Variants in DMGDH observed in about 807,000 individuals in gnomAD.
DMGDH encodes dimethylglycine dehydrogenase.
DMGDH carries 76 observed loss-of-function variants against 95.2 expected under a neutral mutation model. The ratio of observed to expected loss-of-function variants is 0.80; its 90% CI spans 0.66 to 0.97. The LOEUF (loss-of-function observed/expected upper bound fraction) is 0.97. Among genes scored for constraint, DMGDH ranks in the 50% least tolerant of loss-of-function variants. DMGDH has a pLI of 0.00. For synonymous variants in DMGDH, 345 were observed against 377.6 expected, an observed-to-expected ratio of 0.91 and a Z score of 1.00; for missense variants, 987 against 1,055.0, an observed-to-expected ratio of 0.94 and a Z score of 0.89.
chr5:79,033,979 T>G (rs1201411582), intron 7 of DMGDH, among the ~76,000 whole-genome samples: 1 of 152,012 alleles, frequency 6.6e-6, no homozygotes, highest in Non-Finnish European at 1.5e-5. Context: ...AAAATAGCTC[T>G]TTATGGGGAA....
intron 14 of DMGDH, chr5:79,020,735 G>C: frequency 1.0e-6 from 1 of 984,026 alleles, no homozygotes; most frequent in Non-Finnish European, 1.2e-6. Context: ...GGAGAGAGGG[G>C]AAGGAGAGAG....
intron 14 of DMGDH, chr5:79,021,231 A>G: frequency 9.9e-7 from 1 of 1,010,686 alleles, no homozygotes. Flanking sequence ...AGAGCCCTCC[A>G]CTTGCGGAAG....
At chr5:79,029,841 C>T (rs1754104522) in intron 11 of DMGDH, 63 bp downstream of exon 11, 2 of 1,547,242 alleles carry the variant, frequency 1.3e-6, no homozygotes, top group South Asian at 2.4e-5. Context: ...AAAAGAAAAA[C>T]TTAATGTAAG....
chr5:79,015,794 T>C (rs1275087567), intron 14 of DMGDH, among the ~76,000 whole-genome samples: 1 of 152,002 alleles, frequency 6.6e-6, no homozygotes, highest in Non-Finnish European at 1.5e-5. Context: ...AGGTGACATA[T>C]CATCACCAAG....
At chr5:79,001,456 C>G (rs1242124728) in intron 15 of DMGDH, among the ~76,000 whole-genome samples, 3 of 152,214 alleles carry the variant, frequency 2.0e-5, no homozygotes, top group South Asian at 2.1e-4. Flanking sequence ...AGCTAGCATG[C>G]CTGGCTTAAT....
intron 14 of DMGDH, among the ~76,000 whole-genome samples, chr5:79,013,453 G>A (rs1212456621): frequency 6.6e-6 from 1 of 152,022 alleles, no homozygotes; most frequent in Admixed American, 6.5e-5. Flanking sequence ...TCATCTTCCT[G>A]TCTTCTTCTG....
intron 2 of DMGDH, among the ~76,000 whole-genome samples, chr5:79,061,683 G>A (rs1464568689): frequency 6.6e-6 from 1 of 152,162 alleles, no homozygotes; most frequent in African/African-American, 2.4e-5. Context: ...GTCTTGGGAG[G>A]TTGAGGCTGG....
chr5:79,020,788 G>A (rs1753844979), intron 14 of DMGDH: 1 of 985,050 alleles, frequency 1.0e-6, no homozygotes, highest in Non-Finnish European at 1.2e-6. Context: ...AGAAAAAGAG[G>A]GAGAAACATA....
chr5:79,047,142 A>G (rs1378367117), intron 5 of DMGDH, among the ~76,000 whole-genome samples: 1 of 152,092 alleles, frequency 6.6e-6, no homozygotes, highest in Non-Finnish European at 1.5e-5. Flanking sequence ...CTGATCACCC[A>G]CCCATTAAGT....
intron 1 of DMGDH, among the ~76,000 whole-genome samples, chr5:79,067,296 G>A (rs1439194769): frequency 2.0e-5 from 3 of 152,158 alleles, no homozygotes; most frequent in East Asian, 3.8e-4. Context: ...ATGTACATAT[G>A]ACCCAACTAC....
Position 78,998,325 on chromosome 5 carries a change from G to A in DMGDH, c.2386-28C>T, listed in dbSNP as rs370132508. ...GGAAAACAAGACCCAACAGTCCTCA[G>A]CATCTTGGTCACAGCTCTGTGCTCC... On this transcript the variant is annotated intron_variant, in intron 15 of 15. Transcript: ENST00000255189. The A allele has an allele frequency of 4.4e-6, 7 of 1,595,910 alleles. No homozygotes were observed. The Admixed American group carries it at 1.0e-4, about 24-fold the overall frequency.
intron 5 of DMGDH, among the ~76,000 whole-genome samples, chr5:79,050,273 A>AAAAAAAAAAAATAT (rs1554037270): frequency 4.8e-5 from 1 of 20,936 alleles, no homozygotes; most frequent in Non-Finnish European, 9.3e-5. Flanking sequence ...AAAAAAAAAA[A>AAAAAAAAAAAATAT]ATATATATAT....
At chr5:79,003,938 C>CTCTG (rs1284320874) in intron 15 of DMGDH, among the ~76,000 whole-genome samples, 1 of 139,360 alleles carries the variant, frequency 7.2e-6, no homozygotes, top group Non-Finnish European at 1.6e-5. Context: ...CAGAGTAAGG[C>CTCTG]TCTGTCTCAA....
chr5:79,003,325 A>G (rs1753485463), intron 15 of DMGDH, among the ~76,000 whole-genome samples: 1 of 152,222 alleles, frequency 6.6e-6, no homozygotes, highest in Admixed American at 6.5e-5. Flanking sequence ...TCAGCTCAGG[A>G]TCAGGTCAAA....
At chr5:79,005,709 C>T (rs1213525246) in intron 14 of DMGDH, among the ~76,000 whole-genome samples, 1 of 152,134 alleles carries the variant, frequency 6.6e-6, no homozygotes, top group Non-Finnish European at 1.5e-5. Flanking sequence ...ATGAAAGTGA[C>T]CCTTGTGTCT....
chr5:79,037,758 C>A (rs753002872), intron 7 of DMGDH, among the ~76,000 whole-genome samples: 2 of 152,220 alleles, frequency 1.3e-5, no homozygotes, highest in Non-Finnish European at 2.9e-5. Flanking sequence ...GTGACTCTAT[C>A]TGCTCAGAAC....
Position 79,056,356 on chromosome 5 carries a change from C to T in DMGDH, c.277-448G>A, listed in dbSNP as rs184434497. ...TGAAACCCCGTCTCTATTAAAAATA[C>T]AAATGGTGAAACCCCGTCTCTATTA... On this transcript the variant is annotated intron_variant, in intron 2 of 15. Coordinates refer to ENST00000255189, the MANE Select transcript of DMGDH (RefSeq NM_013391.3). 1.5e-4 allele frequency among the ~76,000 whole-genome samples: 23 copies of T among 151,576 alleles called. No individual in the cohort carries two copies. The East Asian group carries it at 4.3e-3, about 28-fold the overall frequency.
intron 14 of DMGDH, among the ~76,000 whole-genome samples, chr5:79,023,911 A>G (rs541031455): frequency 1.5e-4 from 23 of 152,348 alleles, no homozygotes; most frequent in Admixed American, 2.6e-4. Flanking sequence ...CTAATGTGCA[A>G]TTTCCCAAGT....
intron 2 of DMGDH, among the ~76,000 whole-genome samples, chr5:79,057,497 C>T (rs1755064564): frequency 6.6e-6 from 1 of 151,992 alleles, no homozygotes; most frequent in South Asian, 2.1e-4. Context: ...CTTGTTCAAA[C>T]ATCTGGACAT....
Sources: gnomAD v4.1 joint callset for allele counts (sites outside exome capture counted in the v4.1 genomes callset) on GRCh38, gnomAD v4.1.1 for gene constraint, MANE v1.5 for transcripts, NCBI Gene and HGNC (gene_info 2026-07-23, HGNC 2026-07-21) for gene names.